Variants in SCLT1 observed in about 807,000 individuals in gnomAD.
SCLT1 encodes the protein sodium channel-associated protein 1.
In SCLT1, 78 loss-of-function variants were observed where a neutral mutation model predicts 112.8. The ratio of observed to expected loss-of-function variants is 0.69; its 90% CI spans 0.58 to 0.83. The LOEUF (loss-of-function observed/expected upper bound fraction) is 0.83, where lower values mean the gene tolerates loss of function less well. Ranked by LOEUF, SCLT1 falls within the 40% of genes least tolerant of loss-of-function variation. The probability of loss-of-function intolerance (pLI) is 0.00; values close to 1 mark genes in which losing one functional copy is unlikely to be tolerated. For missense variants in SCLT1, 747 were observed against 770.4 expected (o/e 0.97, Z 0.36); for synonymous variants, 257 against 254.7 (o/e 1.01, Z -0.09).
intron 9 of SCLT1, among the ~76,000 whole-genome samples, chr4:128,991,712 T>A (rs1166983175): frequency 1.3e-5 from 2 of 151,826 alleles, no homozygotes; most frequent in African/African-American, 2.4e-5. Flanking sequence ...ACAATAGGTA[T>A]ATGAAAAAAT....
intron 1 of SCLT1, among the ~76,000 whole-genome samples, chr4:129,090,437 T>G (rs765642383): frequency 1.8e-4 from 27 of 152,214 alleles, no homozygotes; most frequent in Non-Finnish European, 3.4e-4. Flanking sequence ...ACCTCATCCC[T>G]TGTATAAAAT....
chr4:128,887,085 T>G (rs1267847011), intron 20 of SCLT1, among the ~76,000 whole-genome samples: 1 of 151,956 alleles, frequency 6.6e-6, no homozygotes, highest in African/African-American at 2.4e-5. Flanking sequence ...ATATTAAACA[T>G]GAGGAAACTG....
intron 2 of SCLT1, among the ~76,000 whole-genome samples, chr4:129,075,177 T>G (rs1246207223): frequency 6.6e-6 from 1 of 152,190 alleles, no homozygotes; most frequent in Non-Finnish European, 1.5e-5. Flanking sequence ...AATGTTTACT[T>G]TTGGCTCTCA....
At chr4:128,964,538 C>A (rs1282999761) in intron 11 of SCLT1, among the ~76,000 whole-genome samples, 1 of 152,130 alleles carries the variant, frequency 6.6e-6, no homozygotes, top group Non-Finnish European at 1.5e-5. Context: ...ACATATTACG[C>A]CCAAGATGCA....
intron 12 of SCLT1, among the ~76,000 whole-genome samples, 172 bp downstream of exon 12, chr4:128,959,428 A>G (rs1339807463): frequency 1.3e-5 from 2 of 152,166 alleles, no homozygotes; most frequent in Non-Finnish European, 2.9e-5. Context: ...ATGTTTTATC[A>G]TATGATGATA....
chr4:128,901,057 C>A (rs1734247445), intron 18 of SCLT1, among the ~76,000 whole-genome samples: 1 of 152,174 alleles, frequency 6.6e-6, no homozygotes, highest in African/African-American at 2.4e-5. Flanking sequence ...GAAATAGGTA[C>A]ACTTTTACAC....
intron 18 of SCLT1, 70 bp downstream of exon 18, chr4:128,936,585 C>T: frequency 1.1e-6 from 1 of 873,354 alleles, no homozygotes; most frequent in Non-Finnish European, 1.7e-6. Flanking sequence ...AAGATTATGG[C>T]AAGGACATTA....
chr4:128,936,513 A>G, intron 18 of SCLT1, 142 bp downstream of exon 18: 1 of 491,536 alleles, frequency 2.0e-6, no homozygotes, highest in Non-Finnish European at 3.5e-6. Context: ...ATATTTTTAT[A>G]GTAGTTTCAT....
chr4:128,990,595 C>G (rs1365551244), intron 9 of SCLT1, among the ~76,000 whole-genome samples: 2 of 151,676 alleles, frequency 1.3e-5, no homozygotes, highest in Admixed American at 6.6e-5. Flanking sequence ...CTAGCCAAAA[C>G]AGTCAGACAA....
chr4:129,092,985 C>A, intron 1 of SCLT1, 85 bp downstream of exon 1: 1 of 1,004,184 alleles, frequency 1.0e-6, no homozygotes. Flanking sequence ...TAAATGTACC[C>A]AACCAGCATT....
intron 18 of SCLT1, among the ~76,000 whole-genome samples, chr4:128,923,459 A>AC: frequency 6.6e-6 from 1 of 151,122 alleles, no homozygotes; most frequent in Admixed American, 6.6e-5. Flanking sequence ...AAAAAAAAAA[A>AC]AAAAAAGATA....
intron 18 of SCLT1, among the ~76,000 whole-genome samples, chr4:128,922,144 A>G (rs1735934699): frequency 6.6e-6 from 1 of 152,178 alleles, no homozygotes; most frequent in Admixed American, 6.5e-5. Context: ...AGTCAGAAAA[A>G]TAACAGATGC....
intron 5 of SCLT1, among the ~76,000 whole-genome samples, chr4:129,030,936 A>G (rs1746660639): frequency 1.3e-5 from 2 of 152,172 alleles, no homozygotes; most frequent in South Asian, 4.2e-4. Context: ...ACTATTCCAA[A>G]CAATAGAGAA....
intron 5 of SCLT1, among the ~76,000 whole-genome samples, chr4:129,025,989 A>G (rs558569023): frequency 2.4e-4 from 36 of 152,350 alleles, no homozygotes; most frequent in African/African-American, 7.7e-4. Context: ...CAATTCAACA[A>G]GAAGAGCTAA....
exon 5 of SCLT1, chr4:128,874,418 T>C (rs1732418190): frequency 6.6e-6 from 1 of 151,740 alleles, no homozygotes; most frequent in African/African-American, 2.4e-5. Flanking sequence ...GCCTTACCTG[T>C]TTTTTCCCCA....
Position 129,009,356 on chromosome 4 carries a change from A to T in SCLT1, c.291-5480T>A, listed in dbSNP as rs568158114. Among the ~76,000 whole-genome samples, 7 of 145,740 alleles carry T rather than the reference A, an allele frequency of 4.8e-5. No homozygotes were observed. The East Asian group carries it at 8.0e-4, about 17-fold the overall frequency. ...GAAATCCCATCTCTACTAAATAAAT[A>T]AAAAAAAATTAGCCAGGCATGGTGG... On this transcript the variant is annotated intron_variant, in intron 5 of 20. Transcript: ENST00000281142.
chr4:129,019,848 T>TA (rs1745305788), intron 5 of SCLT1, among the ~76,000 whole-genome samples: 1 of 151,900 alleles, frequency 6.6e-6, no homozygotes, highest in African/African-American at 2.4e-5. Flanking sequence ...TTTCCTTTTT[T>TA]ATGCTCCTCC....
At chr4:129,015,205 C>T (rs1744882648) in intron 5 of SCLT1, among the ~76,000 whole-genome samples, 1 of 152,058 alleles carries the variant, frequency 6.6e-6, no homozygotes, top group African/African-American at 2.4e-5. Flanking sequence ...CAAAACCTGC[C>T]CGCACAGACA....
intron 4 of SCLT1, chr4:128,874,671 T>A (rs1732442730): frequency 6.6e-6 from 1 of 152,622 alleles, no homozygotes; most frequent in Admixed American, 6.5e-5. Flanking sequence ...GAGGTGGCCA[T>A]AAGCAGCAAC....
Sources: gnomAD v4.1 joint callset for allele counts (sites outside exome capture counted in the v4.1 genomes callset) on GRCh38, gnomAD v4.1.1 for gene constraint, MANE v1.5 for transcripts, NCBI Gene and HGNC (gene_info 2026-07-23, HGNC 2026-07-21) for gene names.